Variants in ERGIC1 observed in about 807,000 individuals in gnomAD.
ERGIC1 encodes endoplasmic reticulum-Golgi intermediate compartment protein 1.
ERGIC1 carries 19 observed loss-of-function variants against 38.3 expected under a neutral mutation model. The ratio of observed to expected loss-of-function variants is 0.50; its 90% confidence interval spans 0.35 to 0.73. The LOEUF is 0.73. Ranked by LOEUF, ERGIC1 falls within the 30% of genes least tolerant of loss-of-function variation. ERGIC1 has a pLI of 0.01. For synonymous variants in ERGIC1, 124 were observed against 157.6 expected (o/e 0.79, Z 1.60); for missense variants, 294 against 389.2 (o/e 0.76, Z 2.06).
At chr5:172,923,790 C>T (rs770910983) in intron 5 of ERGIC1, among the ~76,000 whole-genome samples, 12 of 152,218 alleles carry the variant, frequency 7.9e-5, no homozygotes, top group Non-Finnish European at 1.8e-4. Flanking sequence ...GCAGCCCCCT[C>T]GGAAGCTATG....
chr5:172,882,583 T>G (rs115325915), intron 1 of ERGIC1, among the ~76,000 whole-genome samples: 1,934 of 152,228 alleles, frequency 0.013, 48 homozygotes, highest in African/African-American at 0.043. Context: ...ATTTTCTCCC[T>G]GGAAAAATGA....
intron 1 of ERGIC1, among the ~76,000 whole-genome samples, chr5:172,880,154 A>C (rs936669488): frequency 6.6e-6 from 1 of 152,054 alleles, no homozygotes; most frequent in Non-Finnish European, 1.5e-5. Context: ...TTCCTGCCTC[A>C]GCCTCCCCAG....
intron 3 of ERGIC1, among the ~76,000 whole-genome samples, chr5:172,899,688 T>A (rs1762822231): frequency 6.6e-6 from 1 of 152,024 alleles, no homozygotes; most frequent in Non-Finnish European, 1.5e-5. Flanking sequence ...GCTCTGTGGC[T>A]CCACACATGG....
intron 6 of ERGIC1, among the ~76,000 whole-genome samples, chr5:172,924,642 G>A (rs564724382): frequency 2.0e-5 from 3 of 152,304 alleles, no homozygotes; most frequent in South Asian, 4.1e-4. Context: ...GGCCCAGACC[G>A]AGGCAGGTGG....
chr5:172,919,119 TC>T (rs1763448399), intron 5 of ERGIC1, among the ~76,000 whole-genome samples: 1 of 152,188 alleles, frequency 6.6e-6, no homozygotes, highest in Admixed American at 6.5e-5. Context: ...TGGCCCATGT[TC>T]TATAACGGGG....
Position 172,905,975 on chromosome 5 carries a change from G to A in ERGIC1, c.156-3692G>A, listed in dbSNP as rs551564887. The A allele has an allele frequency of 2.9e-5, 13 of 444,492 alleles. No individual in the cohort carries two copies. The East Asian group carries it at 9.1e-4, about 31-fold the overall frequency. 27.5% of individuals were successfully genotyped at this position (444,492 alleles called of 1,614,324 possible). ...CTCCCTTTACTACCTGATTGGTCAG[G>A]TGTGAGCTGAGTTAGAAGCCCGGTG... On this transcript the variant is annotated intron_variant, in intron 3 of 9. Transcript: ENST00000393784.
chr5:172,929,389 G>T (rs1763727906), intron 7 of ERGIC1, among the ~76,000 whole-genome samples: 1 of 152,112 alleles, frequency 6.6e-6, no homozygotes, highest in African/African-American at 2.4e-5. Context: ...AGGGGAGGAG[G>T]AGTGAGCTTG....
At position 172,893,899 on chromosome 5, in the gene ERGIC1, A is replaced by ATGTGTGTG. The variant is rs1156930879; in HGVS notation, c.83-3102_83-3101insGTGTGTGT. Among the ~76,000 whole-genome samples the ATGTGTGTG allele has an allele frequency of 4.6e-4, 6 of 13,036 alleles. 1 individual carries two copies. The highest frequency in any genetic ancestry group is 0.015 in the East Asian group (2 of 132). The allele number at this position is 13,036 out of a possible 152,430, so 8.6% of individuals were successfully genotyped here. A position where few individuals can be genotyped will look rare whatever the true frequency, so the allele number is the denominator to read the frequency against. On this transcript the variant is annotated intron_variant, in intron 2 of 9. Coordinates refer to ENST00000393784, the MANE Select transcript of ERGIC1 (RefSeq NM_001031711.3). The stretch of plus-strand genomic sequence containing the variant: ...TATATATATATATATATATATATAT[A>ATGTGTGTG]TATATATGTGTGTGTGTGTGTGTGT...
rs1761057139 is a variant in ERGIC1 at position 172,837,189 on chromosome 5, C to G, written c.20+2756C>G. Among the ~76,000 whole-genome samples the G allele has an allele frequency of 6.6e-6, 1 of 152,314 alleles. No homozygotes were observed. Among genetic ancestry groups the G allele is most frequent in the South Asian group, 2.1e-4 (1 of 4,830 alleles). The stretch of plus-strand genomic sequence containing the variant: ...AAAAATAGTGCACTCTTGCCCTTCC[C>G]TACGGATACTTCTGATTTTCTTACT... On this transcript the variant is annotated intron_variant, in intron 1 of 9. Transcript: ENST00000393784. This position sits in a 1 kb window ranked among gnomAD's most constrained non-coding sequence, Gnocchi z 4.3.
intron 5 of ERGIC1, chr5:172,915,429 A>T (rs1033524315): frequency 2.5e-6 from 1 of 405,308 alleles, no homozygotes; most frequent in African/African-American, 2.1e-5. Context: ...GATGAGGAAT[A>T]AAGCCAAGGG....
rs1005320998 is a variant in ERGIC1 at position 172,834,517 on chromosome 5, TGCATGCAAAAGCG to T, written c.20+87_20+99del. 4 of 1,208,574 alleles carry T rather than the reference TGCATGCAAAAGCG, an allele frequency of 3.3e-6. No individual in the cohort carries two copies. The African/African-American group carries it at 4.8e-5, about 14-fold the overall frequency. 74.9% of individuals were successfully genotyped at this position (1,208,574 alleles called of 1,614,324 possible). A position where few individuals can be genotyped will look rare whatever the true frequency, so the allele number is the denominator to read the frequency against. On this transcript the variant is annotated intron_variant, in intron 1 of 9. Coordinates refer to ENST00000393784, the MANE Select transcript of ERGIC1 (RefSeq NM_001031711.3). This position sits in a 1 kb window ranked among gnomAD's most constrained non-coding sequence, Gnocchi z 4.1. ...GGCACGCCGCGGACCCCTCCCGCCC[TGCATGCAAAAGCG>T]GCTCCCCGCCCTGTGCATGCCTCCG...
At chr5:172,845,699 G>A (rs1330434665) in intron 1 of ERGIC1, among the ~76,000 whole-genome samples, 2 of 152,190 alleles carry the variant, frequency 1.3e-5, no homozygotes, top group South Asian at 2.1e-4. Flanking sequence ...CAGAAAAGCT[G>A]CAAAGCTAGT....
chr5:172,906,628 C>G (rs1005665356), intron 3 of ERGIC1, among the ~76,000 whole-genome samples: 1 of 152,184 alleles, frequency 6.6e-6, no homozygotes, highest in African/African-American at 2.4e-5. Context: ...TTGCCTTGGT[C>G]TGACTCATTC....
chr5:172,881,047 G>A (rs893952573), intron 1 of ERGIC1, among the ~76,000 whole-genome samples: 47 of 152,194 alleles, frequency 3.1e-4, no homozygotes, highest in South Asian at 2.1e-4. Flanking sequence ...TTGGGAGTTC[G>A]AGACCAGCCT....
At chr5:172,867,184 C>T (rs1446135969) in intron 1 of ERGIC1, 2 of 455,758 alleles carry the variant, frequency 4.4e-6, no homozygotes, top group Non-Finnish European at 8.8e-6. Context: ...CTTGGGTGAC[C>T]TTTATCGTGC....
intron 1 of ERGIC1, among the ~76,000 whole-genome samples, chr5:172,887,088 A>G (rs693557): frequency 0.29 from 44,789 of 152,052 alleles, 6,909 homozygotes; most frequent in Middle Eastern, 0.4. Context: ...GAAACTGAGC[A>G]TGTTTCACGT....
At chr5:172,920,350 T>C (rs1210816871) in intron 5 of ERGIC1, 1 of 717,836 alleles carries the variant, frequency 1.4e-6, no homozygotes, top group Admixed American at 2.0e-5. Context: ...ATGGCCTCCT[T>C]ATCCGACCCC....
chr5:172,896,498 A>G (rs1364890975), intron 2 of ERGIC1, among the ~76,000 whole-genome samples: 2 of 152,226 alleles, frequency 1.3e-5, no homozygotes, highest in Admixed American at 6.5e-5. Flanking sequence ...CCTCAGCCTC[A>G]GAACCAGAGA....
chr5:172,940,835 T>A (rs566890839), intron 9 of ERGIC1, among the ~76,000 whole-genome samples: 145 of 152,342 alleles, frequency 9.5e-4, no homozygotes, highest in Non-Finnish European at 1.4e-3. Context: ...ACCTGGGGAC[T>A]AATCCCCCAG....
Sources: allele counts gnomAD v4.1 joint callset (sites outside exome capture counted in the v4.1 genomes callset), GRCh38; gene constraint gnomAD v4.1.1; non-coding constraint Gnocchi (gnomAD v3.1); transcripts MANE v1.5; gene names NCBI Gene and HGNC (gene_info 2026-07-23, HGNC 2026-07-21).